Variants in DNM3 observed in about 807,000 individuals in gnomAD.
DNM3 encodes dynamin-3.
A neutral mutation model predicts 101.6 loss-of-function variants in DNM3; 47 were observed. The ratio of observed to expected loss-of-function variants is 0.46; its 90% CI spans 0.37 to 0.59. The LOEUF (loss-of-function observed/expected upper bound fraction) is 0.59, where lower values mean the gene tolerates loss of function less well. Among genes scored for constraint, DNM3 ranks in the 20% least tolerant of loss-of-function variants. DNM3 has a pLI of 0.00. For synonymous variants in DNM3, 385 were observed against 387.9 expected, an observed-to-expected ratio of 0.99 and a Z score of 0.09; for missense variants, 849 against 1,085.7, an observed-to-expected ratio of 0.78 and a Z score of 3.06.
intron 13 of DNM3, among the ~76,000 whole-genome samples, chr1:172,116,693 G>A (rs1245448263): frequency 6.6e-6 from 1 of 152,190 alleles, no homozygotes; most frequent in Non-Finnish European, 1.5e-5. Context: ...GTCAAACTTG[G>A]AGTTGGTAAG....
At chr1:172,149,176 T>C (rs2058035791) in intron 14 of DNM3, among the ~76,000 whole-genome samples, 1 of 152,198 alleles carries the variant, frequency 6.6e-6, no homozygotes, top group Non-Finnish European at 1.5e-5. Flanking sequence ...CTCTAAAATT[T>C]CCATTGCTGA....
At chr1:172,121,975 T>C (rs1298999771) in intron 13 of DNM3, among the ~76,000 whole-genome samples, 1 of 152,204 alleles carries the variant, frequency 6.6e-6, no homozygotes, top group Non-Finnish European at 1.5e-5. Flanking sequence ...GAATGCTTTC[T>C]TTTTATGTTG....
chr1:172,370,620 AATTT>A (rs1479086942), intron 17 of DNM3, among the ~76,000 whole-genome samples: 1 of 151,978 alleles, frequency 6.6e-6, no homozygotes, highest in African/African-American at 2.4e-5. Context: ...CTACACTACT[AATTT>A]ATTTAATCCA....
chr1:172,052,145 G>A (rs1480340930), intron 10 of DNM3, among the ~76,000 whole-genome samples: 1 of 152,008 alleles, frequency 6.6e-6, no homozygotes, highest in African/African-American at 2.4e-5. Context: ...GAAAAAATAG[G>A]GGCCATAAAT....
At chr1:172,362,848 T>G (rs1394102263) in intron 17 of DNM3, among the ~76,000 whole-genome samples, 1 of 151,844 alleles carries the variant, frequency 6.6e-6, no homozygotes, top group Non-Finnish European at 1.5e-5. Flanking sequence ...ACAAAGCCAT[T>G]GCCAGCCCTC....
Position 172,409,414 on chromosome 1 carries a change from G to A in DNM3, c.*1573G>A. The A allele has an allele frequency of 1.0e-6, 1 of 984,690 alleles. No homozygotes were observed. The highest frequency in any genetic ancestry group is 1.2e-6 in the Non-Finnish European group (1 of 829,286). 61.0% of individuals were successfully genotyped at this position (984,690 alleles called of 1,614,324 possible). A position where few individuals can be genotyped will look rare whatever the true frequency, so the allele number is the denominator to read the frequency against. On this transcript the variant is annotated 3_prime_UTR_variant, in exon 21 of 21. Coordinates refer to ENST00000627582, the MANE Select transcript of DNM3 (RefSeq NM_015569.5). ...CATTATTAAACAGAGAACTTGCCAT[G>A]TTGAGTGCCATTGTATTGAACTTAT... is the stretch of plus-strand genomic sequence containing the variant.
intron 13 of DNM3, among the ~76,000 whole-genome samples, chr1:172,119,419 T>C (rs2056153253): frequency 6.6e-6 from 1 of 152,214 alleles, no homozygotes; most frequent in Non-Finnish European, 1.5e-5. Flanking sequence ...GTTTGACCTT[T>C]CAATCCTTTC....
chr1:172,142,798 T>C (rs766971177), intron 14 of DNM3, among the ~76,000 whole-genome samples: 1 of 151,428 alleles, frequency 6.6e-6, no homozygotes, highest in Non-Finnish European at 1.5e-5. Context: ...TTGTTAGCTA[T>C]TTTTCCTCTT....
At chr1:171,922,840 C>G (rs2040285121) in intron 2 of DNM3, among the ~76,000 whole-genome samples, 1 of 152,212 alleles carries the variant, frequency 6.6e-6, no homozygotes, top group South Asian at 2.1e-4. Flanking sequence ...TTGGCATAAT[C>G]TTTTCAAGGT....
At chr1:171,845,364 C>A (rs1196915118) in intron 1 of DNM3, among the ~76,000 whole-genome samples, 1 of 152,104 alleles carries the variant, frequency 6.6e-6, no homozygotes, top group South Asian at 2.1e-4. Context: ...GTCTGGGCAA[C>A]GTAGTGAGAT....
chr1:172,131,978 C>T (rs535757223), intron 14 of DNM3, among the ~76,000 whole-genome samples: 3 of 152,180 alleles, frequency 2.0e-5, no homozygotes, highest in Non-Finnish European at 2.9e-5. Flanking sequence ...TGCTAGAAAT[C>T]GATACCATTA....
intron 15 of DNM3, chr1:172,289,519 A>G (rs2063823537): frequency 4.3e-6 from 4 of 924,254 alleles, no homozygotes; most frequent in Non-Finnish European, 5.2e-6. Context: ...TGTCTGATTC[A>G]TTAGAGAAGA....
chr1:172,237,212 T>G (rs1013826466), intron 14 of DNM3, among the ~76,000 whole-genome samples: 1 of 152,186 alleles, frequency 6.6e-6, no homozygotes, highest in African/African-American at 2.4e-5. Flanking sequence ...ATGAAAATGC[T>G]TTTGTATCTA....
intron 11 of DNM3, among the ~76,000 whole-genome samples, chr1:172,074,235 A>G (rs915335895): frequency 1.3e-5 from 2 of 152,186 alleles, no homozygotes; most frequent in Non-Finnish European, 2.9e-5. Context: ...GAGAGTAACC[A>G]GAGTGCTAGT....
chr1:171,987,370 C>T, intron 2 of DNM3: 1 of 943,732 alleles, frequency 1.1e-6, no homozygotes, highest in Non-Finnish European at 1.3e-6. Flanking sequence ...ATTTGGATAG[C>T]CAAAATTTTC....
intron 14 of DNM3, among the ~76,000 whole-genome samples, chr1:172,225,962 T>C (rs1250514522): frequency 1.3e-5 from 2 of 152,088 alleles, no homozygotes; most frequent in Non-Finnish European, 2.9e-5. Context: ...CCACCAAATA[T>C]AGATTTATTA....
chr1:172,306,280 T>G (rs111454256), intron 15 of DNM3, among the ~76,000 whole-genome samples: 3,999 of 151,866 alleles, frequency 0.026, 153 homozygotes, highest in African/African-American at 0.085. Context: ...CATTCAAAAT[T>G]GCTGCAAAGA....
At chr1:172,057,976 C>T (rs983275057) in intron 10 of DNM3, among the ~76,000 whole-genome samples, 1 of 140,900 alleles carries the variant, frequency 7.1e-6, no homozygotes, top group African/African-American at 2.8e-5. Context: ...CACACATAGG[C>T]TCAACATGAA....
chr1:172,277,017 G>A (rs1429385349), intron 15 of DNM3, among the ~76,000 whole-genome samples: 1 of 152,022 alleles, frequency 6.6e-6, no homozygotes, highest in African/African-American at 2.4e-5. Context: ...CTGTCTCTGA[G>A]AAAGATTAAG....
Sources: gnomAD v4.1 joint callset for allele counts (sites outside exome capture counted in the v4.1 genomes callset) on GRCh38, gnomAD v4.1.1 for gene constraint, MANE v1.5 for transcripts, NCBI Gene and HGNC (gene_info 2026-07-23, HGNC 2026-07-21) for gene names.